Variants in SH3GL2 observed in about 807,000 individuals in gnomAD.
SH3GL2 encodes the protein SH3 domain containing GRB2 like 2, endophilin A1, also known as endophilin-A1.
SH3GL2 carries 24 observed loss-of-function variants against 46.0 expected under a neutral mutation model. The ratio of observed to expected loss-of-function variants is 0.52; its 90% CI spans 0.38 to 0.73. The LOEUF is 0.73. SH3GL2 is among the 30% of genes least tolerant of loss of function. The probability of loss-of-function intolerance (pLI) is 0.00; values close to 1 mark genes in which losing one functional copy is unlikely to be tolerated. For synonymous variants in SH3GL2, 196 were observed against 147.1 expected (o/e 1.33, Z -2.40); for missense variants, 413 against 424.2 (o/e 0.97, Z 0.23).
intron 2 of SH3GL2, among the ~76,000 whole-genome samples, chr9:17,748,918 T>A (rs574552740): frequency 6.6e-6 from 1 of 152,282 alleles, no homozygotes; most frequent in African/African-American, 2.4e-5. Context: ...GAGGGAACGG[T>A]TGAGTTCCTG....
chr9:17,793,428 G>C lies in SH3GL2; in HGVS notation c.790G>C (p.Glu264Gln), dbSNP rs373328540. Residue 264 changes from glutamate to glutamine, a missense_variant, in exon 8 of 9, where the codon GAG (glutamate) becomes CAG (glutamine). This residue lies in a region of SH3GL2 where 248 missense variants were observed against 215.0 expected (regional missense o/e 1.15). Coordinates refer to ENST00000380607, the MANE Select transcript of SH3GL2 (RefSeq NM_003026.5). ...TCAACCTAAACCACGAATGAGCCTG[G>C]AGTTTCCAACTGGAGACAGTACTCA... is the stretch of plus-strand genomic sequence containing the variant. ...EYQPKPRMSL[E>Q]FPTGDSTQPN... The C allele has an allele frequency of 1.2e-5, 19 of 1,612,492 alleles. No homozygotes were observed. Among genetic ancestry groups the C allele is most frequent in the African/African-American group, 9.4e-5 (7 of 74,814 alleles).
rs369516897 is a variant in SH3GL2, at chr9:17,625,009, ATTTG to A, written c.45+45728_45+45731del. Among the ~76,000 whole-genome samples, 130 of 152,242 alleles carry A rather than the reference ATTTG, an allele frequency of 8.5e-4. 1 individual carries two copies. In the South Asian group the frequency reaches 0.025, roughly 29 times the overall value. On this transcript the variant is annotated intron_variant, in intron 1 of 8. Coordinates refer to ENST00000380607, the MANE Select transcript of SH3GL2 (RefSeq NM_003026.5). The stretch of plus-strand genomic sequence containing the variant: ...GAGATGAAAATTGTTCTTCTATTTA[ATTTG>A]TTTGTAAACCTTGGCTAGAGTTGGC...
chr9:17,737,297 C>A (rs1210956130), intron 1 of SH3GL2, among the ~76,000 whole-genome samples: 1 of 151,860 alleles, frequency 6.6e-6, no homozygotes, highest in African/African-American at 2.4e-5. Flanking sequence ...CACATGTATA[C>A]CTATGTAACA....
intron 1 of SH3GL2, among the ~76,000 whole-genome samples, chr9:17,677,052 C>T (rs572710750): frequency 2.0e-5 from 3 of 152,102 alleles, no homozygotes; most frequent in Non-Finnish European, 2.9e-5. Context: ...GACCATTTGG[C>T]GATGTCTTCC....
chr9:17,696,370 G>C (rs535136437), intron 1 of SH3GL2, among the ~76,000 whole-genome samples: 1 of 152,270 alleles, frequency 6.6e-6, no homozygotes, highest in South Asian at 2.1e-4. Context: ...AGTATTCCTG[G>C]ATGTATTACA....
Position 17,579,111 on chromosome 9 carries a change from G to A in SH3GL2, c.-132G>A. On this transcript the variant is annotated 5_prime_UTR_variant, in exon 1 of 9. Coordinates refer to ENST00000380607, the MANE Select transcript of SH3GL2 (RefSeq NM_003026.5). ...GAGCCCGTGTCCCGCTAGGCTCCGC[G>A]CCCTCGCGCCCATAGCCCCGGCGGC... 2 of 532,552 alleles carry A rather than the reference G, an allele frequency of 3.8e-6. No homozygotes were observed. The highest frequency in any genetic ancestry group is 6.3e-6 in the Non-Finnish European group (2 of 318,458). The allele number at this position is 532,552 out of a possible 1,614,324, so 33.0% of individuals were successfully genotyped here.
At chr9:17,604,300 AC>A (rs2134568334) in intron 1 of SH3GL2, among the ~76,000 whole-genome samples, 2 of 152,348 alleles carry the variant, frequency 1.3e-5, no homozygotes, top group African/African-American at 4.8e-5. Context: ...GTCCACACAG[AC>A]CGTTAACTTT....
intron 1 of SH3GL2, among the ~76,000 whole-genome samples, chr9:17,700,498 G>A (rs1197179792): frequency 6.6e-6 from 1 of 152,212 alleles, no homozygotes; most frequent in African/African-American, 2.4e-5. Context: ...CTGGATTCCT[G>A]TGGTTAGGTT....
At chr9:17,593,041 C>A (rs921988814) in intron 1 of SH3GL2, among the ~76,000 whole-genome samples, 20 of 152,162 alleles carry the variant, frequency 1.3e-4, no homozygotes, top group African/African-American at 4.6e-4. Context: ...GTGGTGGTTC[C>A]TGAAAGAGGA....
chr9:17,733,780 C>G (rs1588284341), intron 1 of SH3GL2, among the ~76,000 whole-genome samples: 1 of 152,036 alleles, frequency 6.6e-6, no homozygotes, highest in Non-Finnish European at 1.5e-5. Flanking sequence ...CCATGGAATA[C>G]TATGCAGCTA....
intron 1 of SH3GL2, among the ~76,000 whole-genome samples, chr9:17,607,177 C>T (rs543738291): frequency 6.6e-6 from 1 of 152,056 alleles, no homozygotes; most frequent in African/African-American, 2.4e-5. Flanking sequence ...TGTGAACATC[C>T]TAGAGTGTAA....
chr9:17,785,615 T>C (rs1346692215), intron 3 of SH3GL2, among the ~76,000 whole-genome samples: 9 of 152,182 alleles, frequency 5.9e-5, no homozygotes, highest in African/African-American at 2.2e-4. Flanking sequence ...TATCCTAGCA[T>C]CAATTAAGTC....
intron 1 of SH3GL2, among the ~76,000 whole-genome samples, chr9:17,652,097 A>T (rs529088887): frequency 1.3e-5 from 2 of 151,760 alleles, no homozygotes; most frequent in South Asian, 4.2e-4. Context: ...CTGCTTTCAC[A>T]TTTCTGGCTT....
intron 1 of SH3GL2, among the ~76,000 whole-genome samples, chr9:17,685,101 A>G (rs1820868976): frequency 6.6e-6 from 1 of 152,064 alleles, no homozygotes; most frequent in African/African-American, 2.4e-5. Context: ...TTTTCTAGAG[A>G]AACAGAACCA....
At chr9:17,786,028 A>C (rs1181237041) in intron 3 of SH3GL2, among the ~76,000 whole-genome samples, 1 of 152,152 alleles carries the variant, frequency 6.6e-6, no homozygotes, top group Non-Finnish European at 1.5e-5. Flanking sequence ...GAGAGTTTGT[A>C]AAAAGCTCTC....
chr9:17,606,949 C>G (rs182627456), intron 1 of SH3GL2, among the ~76,000 whole-genome samples: 39 of 152,324 alleles, frequency 2.6e-4, no homozygotes, highest in Admixed American at 2.2e-3. Flanking sequence ...TGGAAAGATG[C>G]AAGCCCTCCT....
chr9:17,644,825 G>A (rs1819766989), intron 1 of SH3GL2, among the ~76,000 whole-genome samples: 1 of 152,176 alleles, frequency 6.6e-6, no homozygotes, highest in Non-Finnish European at 1.5e-5. Flanking sequence ...GAGTTCTGTA[G>A]ATGTCTATTA....
rs182693189 is a variant in SH3GL2, at chr9:17,713,084, T to A, written c.46-33982T>A. On this transcript the variant is annotated intron_variant, in intron 1 of 8. Transcript: ENST00000380607. ...TCTTAGTGTGCTGGGTTTTTTTTTT[T>A]AAATCAAAAGTAGATGTTAGATTTT... 7.3e-3 allele frequency among the ~76,000 whole-genome samples: 1,103 copies of A among 151,402 alleles called. 10 individuals are homozygous for A. The highest frequency in any genetic ancestry group is 0.025 in the African/African-American group (1,022 of 41,366).
intron 1 of SH3GL2, among the ~76,000 whole-genome samples, chr9:17,613,802 A>G (rs1397144303): frequency 6.6e-6 from 1 of 152,216 alleles, no homozygotes; most frequent in African/African-American, 2.4e-5. Flanking sequence ...GCACACGGAC[A>G]TTTGGAAATT....
Sources: gnomAD v4.1 joint callset for allele counts (sites outside exome capture counted in the v4.1 genomes callset) on GRCh38, gnomAD v4.1.1 for gene constraint, gnomAD v4.1.1 regional missense constraint, MANE v1.5 for transcripts, NCBI Gene and HGNC (gene_info 2026-07-23, HGNC 2026-07-21) for gene names.